Variants in FAT3 observed in about 807,000 individuals in gnomAD.
The protein encoded by FAT3 is protocadherin Fat 3.
Under a neutral mutation model 310.2 loss-of-function variants are expected in FAT3, and 95 were observed. That is an observed-to-expected ratio of 0.31 (90% CI 0.26 to 0.36). The LOEUF (loss-of-function observed/expected upper bound fraction) is 0.36, where lower values mean the gene tolerates loss of function less well. Ranked by LOEUF, FAT3 falls within the 10% of genes least tolerant of loss-of-function variation. FAT3 has a pLI of 1.00. For synonymous variants in FAT3, 2,314 were observed against 2,192.9 expected, an observed-to-expected ratio of 1.06 and a Z score of -1.54; for missense variants, 5,408 against 5,715.6, an observed-to-expected ratio of 0.95 and a Z score of 1.74.
intron 3 of FAT3, among the ~76,000 whole-genome samples, chr11:92,549,559 G>C (rs1954730647): frequency 1.3e-5 from 2 of 151,498 alleles, no homozygotes; most frequent in African/African-American, 2.4e-5. Flanking sequence ...TATGACTTTG[G>C]CATTTACTTA....
intron 2 of FAT3, among the ~76,000 whole-genome samples, chr11:92,436,141 CAG>C (rs113796409): frequency 3.9e-5 from 6 of 151,960 alleles, no homozygotes; most frequent in African/African-American, 1.4e-4. Context: ...TTTTTTGAAA[CAG>C]AGTCTTGCTC....
At chr11:92,226,052 C>A (rs1464841485) in intron 1 of FAT3, among the ~76,000 whole-genome samples, 5 of 152,168 alleles carry the variant, frequency 3.3e-5, no homozygotes, top group African/African-American at 1.2e-4. Context: ...GCCCCACTCC[C>A]GGGCGGTTCG....
intron 1 of FAT3, among the ~76,000 whole-genome samples, chr11:92,329,299 G>C (rs1004448977): frequency 6.6e-6 from 1 of 151,988 alleles, no homozygotes; most frequent in African/African-American, 2.4e-5. Flanking sequence ...CCTCCGAGAT[G>C]AGTGAGTGTT....
chr11:92,694,329 G>A (rs1326546740), intron 3 of FAT3, among the ~76,000 whole-genome samples: 1 of 152,174 alleles, frequency 6.6e-6, no homozygotes, highest in Non-Finnish European at 1.5e-5. Context: ...CAAGAGAACT[G>A]TAACCTGCAG....
intron 4 of FAT3, among the ~76,000 whole-genome samples, chr11:92,708,026 G>A (rs1429400342): frequency 2.0e-5 from 3 of 152,174 alleles, no homozygotes; most frequent in African/African-American, 7.2e-5. Context: ...TTGCTTTTGT[G>A]GCAAATTGGG....
chr11:92,296,202 T>C (rs1302614407), intron 1 of FAT3, among the ~76,000 whole-genome samples: 1 of 152,132 alleles, frequency 6.6e-6, no homozygotes, highest in Non-Finnish European at 1.5e-5. Flanking sequence ...CTACACGGTC[T>C]TTGGGAAGCA....
At chr11:92,847,139 A>T (rs930474036) in intron 19 of FAT3, among the ~76,000 whole-genome samples, 1 of 152,206 alleles carries the variant, frequency 6.6e-6, no homozygotes, top group African/African-American at 2.4e-5. Context: ...CTGTATAAGA[A>T]TCCTCAAATA....
intron 22 of FAT3, among the ~76,000 whole-genome samples, chr11:92,873,079 A>G (rs1281674969): frequency 2.0e-5 from 3 of 152,240 alleles, no homozygotes; most frequent in Non-Finnish European, 4.4e-5. Flanking sequence ...TTCAGGATCT[A>G]TAGTAATTAC....
rs1227104679 is a variant in FAT3, at chr11:92,894,906, A to G, written c.*3793A>G. 6.6e-6 allele frequency: 1 copy of G among 152,224 alleles called. No individual in the cohort carries two copies. Among genetic ancestry groups the G allele is most frequent in the Non-Finnish European group, 1.5e-5 (1 of 68,042 alleles). 9.4% of individuals were successfully genotyped at this position (152,224 alleles called of 1,614,324 possible). The stretch of plus-strand genomic sequence containing the variant: ...AAAAAGCAAGTTGAACATATCTACC[A>G]TCAGTCCTCTCCTACTTACTTCCCA... On this transcript the variant is annotated 3_prime_UTR_variant, in exon 28 of 28. Coordinates refer to ENST00000525166, the MANE Select transcript of FAT3 (RefSeq NM_001367949.2).
At chr11:92,398,238 C>T (rs1949923582) in intron 2 of FAT3, among the ~76,000 whole-genome samples, 1 of 152,050 alleles carries the variant, frequency 6.6e-6, no homozygotes, top group Admixed American at 6.6e-5. Context: ...CACCTTTTCA[C>T]ACCTGTAATC....
intron 2 of FAT3, among the ~76,000 whole-genome samples, chr11:92,375,261 G>A (rs1949309492): frequency 6.6e-6 from 1 of 151,896 alleles, no homozygotes. Context: ...AGTCTCCCAA[G>A]GAGCTGGGAC....
intron 3 of FAT3, among the ~76,000 whole-genome samples, chr11:92,568,201 C>T (rs1955540279): frequency 6.6e-6 from 1 of 152,072 alleles, no homozygotes; most frequent in Non-Finnish European, 1.5e-5. Flanking sequence ...AGAGAATCAG[C>T]AGAGTGGAGG....
At chr11:92,618,277 G>A (rs1326655141) in intron 3 of FAT3, among the ~76,000 whole-genome samples, 1 of 152,180 alleles carries the variant, frequency 6.6e-6, no homozygotes, top group African/African-American at 2.4e-5. Context: ...AACCCTCTGA[G>A]CCAGGCGCGG....
At chr11:92,771,334 A>G (rs1946450890) in intron 6 of FAT3, among the ~76,000 whole-genome samples, 1 of 152,132 alleles carries the variant, frequency 6.6e-6, no homozygotes, top group South Asian at 2.1e-4. Flanking sequence ...ATGAAACTGA[A>G]ATCACTTTCA....
At chr11:92,409,433 T>C (rs933694154) in intron 2 of FAT3, among the ~76,000 whole-genome samples, 4 of 152,208 alleles carry the variant, frequency 2.6e-5, no homozygotes, top group African/African-American at 7.2e-5. Context: ...AATACGCTGC[T>C]TGTGCCCTGT....
At chr11:92,424,254 A>G (rs947119170) in intron 2 of FAT3, among the ~76,000 whole-genome samples, 1 of 152,084 alleles carries the variant, frequency 6.6e-6, no homozygotes, top group African/African-American at 2.4e-5. Context: ...AAAGGGGTTG[A>G]TGTCTCACTT....
intron 4 of FAT3, among the ~76,000 whole-genome samples, chr11:92,757,751 A>G (rs186640382): frequency 6.6e-6 from 1 of 152,318 alleles, no homozygotes; most frequent in Admixed American, 6.5e-5. Context: ...TCCAGAGGAC[A>G]CTAGGTTTCA....
chr11:92,442,674 T>C (rs1017346650), intron 2 of FAT3, among the ~76,000 whole-genome samples: 4 of 152,138 alleles, frequency 2.6e-5, no homozygotes, highest in Non-Finnish European at 4.4e-5. Context: ...ACTCTGTTTA[T>C]CTGCCTGAAT....
At chr11:92,381,312 G>A (rs1408233431) in intron 2 of FAT3, among the ~76,000 whole-genome samples, 1 of 152,154 alleles carries the variant, frequency 6.6e-6, no homozygotes, top group Non-Finnish European at 1.5e-5. Flanking sequence ...TCAGGAGTTT[G>A]AGTCTAGCCT....
Sources: gnomAD v4.1 joint callset for allele counts (sites outside exome capture counted in the v4.1 genomes callset) on GRCh38, gnomAD v4.1.1 for gene constraint, MANE v1.5 for transcripts, NCBI Gene and HGNC (gene_info 2026-07-23, HGNC 2026-07-21) for gene names.